Variants in PCDH15 observed in about 807,000 individuals in gnomAD.
The protein encoded by PCDH15 is protocadherin related 15, also known as protocadherin-15.
In PCDH15, 129 loss-of-function variants were observed where a neutral mutation model predicts 178.5. The ratio of observed to expected loss-of-function variants is 0.72; its 90% CI spans 0.63 to 0.84. PCDH15 has a LOEUF of 0.84. Ranked by LOEUF, PCDH15 falls within the 40% of genes least tolerant of loss-of-function variation. PCDH15 has a pLI of 0.00. For synonymous variants in PCDH15, 800 were observed against 732.0 expected (o/e 1.09, Z -1.50); for missense variants, 2,230 against 2,099.9 (o/e 1.06, Z -1.21).
At chr10:55,163,780 T>G (rs1839122006) in intron 2 of PCDH15, among the ~76,000 whole-genome samples, 1 of 152,142 alleles carries the variant, frequency 6.6e-6, no homozygotes, top group African/African-American at 2.4e-5. Flanking sequence ...ATTTGGAAGT[T>G]GCCCTATATG....
At chr10:54,198,071 T>C (rs1457403095) in intron 10 of PCDH15, among the ~76,000 whole-genome samples, 1 of 152,184 alleles carries the variant, frequency 6.6e-6, no homozygotes, top group Non-Finnish European at 1.5e-5. Context: ...TGCTCAGCAC[T>C]AAGAAGAACA....
intron 13 of PCDH15, among the ~76,000 whole-genome samples, chr10:54,168,114 T>G (rs1485993511): frequency 3.9e-5 from 6 of 151,992 alleles, no homozygotes; most frequent in Admixed American, 3.9e-4. Context: ...AAATGCCTTA[T>G]TTTCTTCTGC....
intron 1 of PCDH15, among the ~76,000 whole-genome samples, chr10:55,222,166 C>T (rs549133595): frequency 1.4e-4 from 21 of 151,856 alleles, no homozygotes; most frequent in East Asian, 3.9e-4. Flanking sequence ...TGAGCCACCG[C>T]GCCCAGCCTA....
chr10:54,307,147 T>TAA (rs1230539005), intron 8 of PCDH15, among the ~76,000 whole-genome samples: 2 of 100,386 alleles, frequency 2.0e-5, no homozygotes, highest in Non-Finnish European at 2.0e-5. Flanking sequence ...TATATATATA[T>TAA]ATAAAATTGC....
At chr10:54,479,701 C>T (rs961363272) in intron 3 of PCDH15, among the ~76,000 whole-genome samples, 2 of 151,962 alleles carry the variant, frequency 1.3e-5, no homozygotes, top group African/African-American at 4.8e-5. Context: ...GCAGTTCCTT[C>T]TCTAAAAATT....
intron 2 of PCDH15, among the ~76,000 whole-genome samples, chr10:55,544,059 A>G (rs1841821053): frequency 6.7e-6 from 1 of 148,668 alleles, no homozygotes; most frequent in African/African-American, 2.5e-5. Context: ...ATTAAACGCC[A>G]TTTATTCACG....
chr10:54,803,501 G>A (rs1386975632), upstream of PCDH15, among the ~76,000 whole-genome samples: 2 of 152,086 alleles, frequency 1.3e-5, no homozygotes, highest in Non-Finnish European at 2.9e-5. Flanking sequence ...TTGTGCTCTG[G>A]CTTAGGGGTG....
intron 10 of PCDH15, among the ~76,000 whole-genome samples, chr10:54,202,892 A>C (rs186316677): frequency 6.6e-6 from 1 of 151,938 alleles, no homozygotes; most frequent in East Asian, 1.9e-4. Flanking sequence ...AGAGGCAAGG[A>C]ATCTCCATTT....
intron 2 of PCDH15, among the ~76,000 whole-genome samples, chr10:55,554,440 A>T (rs896349132): frequency 6.6e-6 from 1 of 152,064 alleles, no homozygotes; most frequent in Non-Finnish European, 1.5e-5. Context: ...CCTGTCATTG[A>T]CATCTTACCT....
chr10:54,935,554 T>C (rs1158973395), intron 2 of PCDH15, among the ~76,000 whole-genome samples: 1 of 152,106 alleles, frequency 6.6e-6, no homozygotes, highest in Non-Finnish European at 1.5e-5. Flanking sequence ...TCTGGTAACT[T>C]CATTTTTCTT....
intron 2 of PCDH15, among the ~76,000 whole-genome samples, chr10:55,047,207 T>C (rs1841030427): frequency 6.6e-6 from 1 of 151,936 alleles, no homozygotes; most frequent in African/African-American, 2.4e-5. Flanking sequence ...TACTTAATAC[T>C]ATTTAATTCT....
At chr10:54,898,061 T>G (rs575943831) in intron 2 of PCDH15, among the ~76,000 whole-genome samples, 1 of 152,146 alleles carries the variant, frequency 6.6e-6, no homozygotes, top group African/African-American at 2.4e-5. Flanking sequence ...AGATCCCTCA[T>G]GGCCTGGTGC....
chr10:54,477,233 T>C (rs1371458787), intron 3 of PCDH15, among the ~76,000 whole-genome samples: 1 of 152,182 alleles, frequency 6.6e-6, no homozygotes, highest in Non-Finnish European at 1.5e-5. Flanking sequence ...GAGTACTTTC[T>C]GCTCCATTTT....
At chr10:55,159,592 G>A (rs1347248610) in intron 2 of PCDH15, among the ~76,000 whole-genome samples, 2 of 148,020 alleles carry the variant, frequency 1.4e-5, no homozygotes, top group African/African-American at 4.9e-5. Flanking sequence ...AAGAAAAACT[G>A]TCTTTTGTAA....
chr10:55,216,039 C>A (rs1185214687), intron 1 of PCDH15, among the ~76,000 whole-genome samples: 1 of 151,698 alleles, frequency 6.6e-6, no homozygotes, highest in African/African-American at 2.4e-5. Context: ...CATGTATTAT[C>A]TAGGGCAAAT....
At chr10:54,947,888 A>C (rs1733774) in intron 2 of PCDH15, among the ~76,000 whole-genome samples, 28,229 of 151,738 alleles carry the variant, frequency 0.19, 2,787 homozygotes, top group Admixed American at 0.24. Flanking sequence ...ATTCTTCCTT[A>C]AGTTGTGTAT....
intron 1 of PCDH15, among the ~76,000 whole-genome samples, chr10:54,788,817 G>C (rs1054714248): frequency 1.3e-5 from 2 of 151,660 alleles, no homozygotes; most frequent in African/African-American, 4.8e-5. Flanking sequence ...CAGAAAAATA[G>C]TAAAGGTGGA....
At chr10:54,824,613 T>A (rs568497772) in intron 3 of PCDH15, among the ~76,000 whole-genome samples, 13 of 152,218 alleles carry the variant, frequency 8.5e-5, no homozygotes, top group African/African-American at 3.1e-4. Context: ...GGCAAAAACA[T>A]GGTAGATGAA....
At chr10:54,054,959 C>A (rs2135677692) in intron 18 of PCDH15, among the ~76,000 whole-genome samples, 1 of 152,156 alleles carries the variant, frequency 6.6e-6, no homozygotes, top group South Asian at 2.1e-4. Context: ...TCATACTGAG[C>A]TACAAAAAAT....
Sources: gnomAD v4.1 joint callset for allele counts (sites outside exome capture counted in the v4.1 genomes callset) on GRCh38, gnomAD v4.1.1 for gene constraint, MANE v1.5 for transcripts, NCBI Gene and HGNC (gene_info 2026-07-23, HGNC 2026-07-21) for gene names.